The following SLC25A21 variants were observed in gnomAD, a reference collection of about 807,000 sequenced individuals.
SLC25A21 encodes the protein solute carrier family 25 member 21, also known as mitochondrial 2-oxodicarboxylate carrier.
In SLC25A21, 47 loss-of-function variants were observed where a neutral mutation model predicts 43.8. The ratio of observed to expected loss-of-function variants is 1.07; its 90% CI spans 0.85 to 1.37. The LOEUF (loss-of-function observed/expected upper bound fraction) is 1.37, where lower values mean the gene tolerates loss of function less well. Among genes scored for constraint, SLC25A21 ranks in the 40% most tolerant of loss-of-function variants. SLC25A21 has a pLI of 0.00. For synonymous variants in SLC25A21, 131 were observed against 121.3 expected (o/e 1.08, Z -0.52); for missense variants, 352 against 350.2 (o/e 1.00, Z -0.04).
intron 1 of SLC25A21, among the ~76,000 whole-genome samples, chr14:36,966,618 G>A (rs147216112): frequency 1.5e-4 from 23 of 152,212 alleles, no homozygotes; most frequent in South Asian, 1.2e-3. Flanking sequence ...TCACCTCCCA[G>A]GTCACTAAGT....
chr14:36,743,959 C>T (rs973329803), intron 3 of SLC25A21, among the ~76,000 whole-genome samples: 1 of 151,950 alleles, frequency 6.6e-6, no homozygotes, highest in African/African-American at 2.4e-5. Flanking sequence ...ATATACTTAA[C>T]CAAGGAGGTG....
chr14:36,685,319 A>T (rs2139141292), intron 7 of SLC25A21, among the ~76,000 whole-genome samples: 1 of 152,336 alleles, frequency 6.6e-6, no homozygotes, highest in South Asian at 2.1e-4. Context: ...AGCAACTTCC[A>T]CCATGAAGCC....
At chr14:36,777,431 C>G (rs1886750) in intron 3 of SLC25A21, among the ~76,000 whole-genome samples, 71,188 of 151,926 alleles carry the variant, frequency 0.47, 17,807 homozygotes, top group East Asian at 0.69. Context: ...GTGAATGTGA[C>G]CTTATTTGGA....
intron 1 of SLC25A21, among the ~76,000 whole-genome samples, chr14:36,912,815 C>A (rs1033610238): frequency 6.6e-6 from 1 of 152,122 alleles, no homozygotes; most frequent in Non-Finnish European, 1.5e-5. Context: ...TCTTATCTTG[C>A]ACACAATGGA....
At chr14:36,973,515 T>C (rs1013380493) in intron 1 of SLC25A21, among the ~76,000 whole-genome samples, 1 of 152,120 alleles carries the variant, frequency 6.6e-6, no homozygotes. Context: ...GATGAATTTA[T>C]TGCATTAGAG....
intron 1 of SLC25A21, among the ~76,000 whole-genome samples, chr14:37,030,988 T>C (rs1961198987): frequency 6.6e-6 from 1 of 152,224 alleles, no homozygotes; most frequent in Non-Finnish European, 1.5e-5. Context: ...TTCCAAAGAT[T>C]GGCATTTCAA....
At chr14:37,003,367 C>T (rs955916461) in intron 1 of SLC25A21, among the ~76,000 whole-genome samples, 5 of 152,120 alleles carry the variant, frequency 3.3e-5, no homozygotes, top group African/African-American at 1.2e-4. Context: ...GCATTTAAAA[C>T]TTATGAATTG....
At chr14:36,948,542 G>A (rs934038752) in intron 1 of SLC25A21, among the ~76,000 whole-genome samples, 6 of 152,134 alleles carry the variant, frequency 3.9e-5, no homozygotes, top group Admixed American at 3.3e-4. Flanking sequence ...AAGACATCTA[G>A]TAGAAGAACA....
At chr14:37,010,992 T>C (rs1960718265) in intron 1 of SLC25A21, among the ~76,000 whole-genome samples, 1 of 152,168 alleles carries the variant, frequency 6.6e-6, no homozygotes, top group African/African-American at 2.4e-5. Flanking sequence ...GTTCAAGCAA[T>C]TCTCCTGCCT....
chr14:37,063,853 A>G (rs999640490), intron 1 of SLC25A21, among the ~76,000 whole-genome samples: 8 of 152,190 alleles, frequency 5.3e-5, no homozygotes, highest in African/African-American at 1.9e-4. Context: ...ATGATCCCAC[A>G]TAACAATTAG....
rs1172966404 is a variant in SLC25A21 at position 36,729,545 on chromosome 14, T to C, written c.292A>G (p.Lys98Glu). The change falls in exon 5 of 10, where the codon AAG (lysine) becomes GAG (glutamate). Residue 98 changes from lysine to glutamate, a missense_variant. Transcript: ENST00000331299. ...AVKFFTFEQYKKLLGYVSLSP... is the reference protein window; with the variant it reads ...AVKFFTFEQYEKLLGYVSLSP... ...AGTGACACATATCCCAGCAATTTCTTGTACTGCTCAAAGGTGAAAAACTGT... is the reference window on the plus strand; with the variant it reads ...AGTGACACATATCCCAGCAATTTCTCGTACTGCTCAAAGGTGAAAAACTGT... 3 of 1,610,420 alleles carry C rather than the reference T, an allele frequency of 1.9e-6. No homozygotes were observed. Among genetic ancestry groups the C allele is most frequent in the Non-Finnish European group, 2.5e-6 (3 of 1,178,764 alleles).
intron 1 of SLC25A21, among the ~76,000 whole-genome samples, chr14:36,951,915 T>C (rs947845010): frequency 2.0e-5 from 3 of 152,118 alleles, no homozygotes; most frequent in Non-Finnish European, 4.4e-5. Flanking sequence ...TCAGGTACAA[T>C]GAAAGCAGAG....
intron 3 of SLC25A21, among the ~76,000 whole-genome samples, chr14:36,769,671 C>T (rs1886545229): frequency 6.6e-6 from 1 of 152,068 alleles, no homozygotes; most frequent in Non-Finnish European, 1.5e-5. Context: ...TTTAACTTTC[C>T]CTTTTTGCTT....
chr14:36,932,375 G>A (rs1055408005), intron 1 of SLC25A21, among the ~76,000 whole-genome samples: 12 of 152,094 alleles, frequency 7.9e-5, no homozygotes, highest in African/African-American at 1.4e-4. Context: ...AGGGATTTAC[G>A]GTGGAGGTAG....
At chr14:36,770,036 C>G (rs1886559088) in intron 3 of SLC25A21, among the ~76,000 whole-genome samples, 1 of 152,158 alleles carries the variant, frequency 6.6e-6, no homozygotes, top group South Asian at 2.1e-4. Context: ...CTTCCCCAGT[C>G]AATGGGCTCT....
chr14:36,692,636 C>A (rs1175785351), intron 7 of SLC25A21, among the ~76,000 whole-genome samples: 2 of 152,118 alleles, frequency 1.3e-5, no homozygotes, highest in Non-Finnish European at 2.9e-5. Context: ...GAAGGCATTT[C>A]ACCCAGCGAT....
intron 3 of SLC25A21, among the ~76,000 whole-genome samples, chr14:36,760,871 C>T (rs890913402): frequency 7.0e-6 from 1 of 142,318 alleles, no homozygotes; most frequent in Non-Finnish European, 1.5e-5. Context: ...AAGGTGATCA[C>T]AAGAAAAGAG....
chr14:36,729,657 T>A, intron 4 of SLC25A21, 91 bp from the exon 5 acceptor site: 5 of 1,052,118 alleles, frequency 4.8e-6, no homozygotes, highest in East Asian at 2.6e-5. Flanking sequence ...AATCATTATG[T>A]TAACCAGCAT....
intron 3 of SLC25A21, among the ~76,000 whole-genome samples, chr14:36,763,117 TAA>T (rs1886228064): frequency 6.6e-6 from 1 of 152,148 alleles, no homozygotes; most frequent in South Asian, 2.1e-4. Context: ...AGTTGTTTTA[TAA>T]AACAAGCAAA....
Sources: gnomAD v4.1 joint callset for allele counts (sites outside exome capture counted in the v4.1 genomes callset) on GRCh38, gnomAD v4.1.1 for gene constraint, MANE v1.5 for transcripts, NCBI Gene and HGNC (gene_info 2026-07-23, HGNC 2026-07-21) for gene names.